Variants in PTPRT observed in about 807,000 individuals in gnomAD.
PTPRT encodes the protein protein tyrosine phosphatase receptor type T.
In PTPRT, 56 loss-of-function variants were observed where a neutral mutation model predicts 176.8. The observed-to-expected ratio is 0.32, with a 90% confidence interval of 0.26 to 0.40. The LOEUF (loss-of-function observed/expected upper bound fraction) is 0.40. Ranked by LOEUF, PTPRT falls within the 10% of genes least tolerant of loss-of-function variation. The probability of loss-of-function intolerance (pLI) is 1.00; values close to 1 mark genes in which losing one functional copy is unlikely to be tolerated. For synonymous variants in PTPRT, 783 were observed against 739.0 expected (o/e 1.06, Z -0.96); for missense variants, 1,540 against 1,908.2 (o/e 0.81, Z 3.60).
At chr20:42,812,210 CTCTT>C (rs200747435) in intron 2 of PTPRT, among the ~76,000 whole-genome samples, 1,670 of 152,080 alleles carry the variant, frequency 0.011, 28 homozygotes, top group South Asian at 0.028. Context: ...AATACATTGT[CTCTT>C]TATTATTATT....
chr20:42,756,210 T>C (rs992758579), intron 6 of PTPRT, among the ~76,000 whole-genome samples: 9 of 152,370 alleles, frequency 5.9e-5, no homozygotes, highest in Middle Eastern at 3.4e-3. Flanking sequence ...TTCTGTGTTA[T>C]ATATTCCACA....
intron 7 of PTPRT, among the ~76,000 whole-genome samples, chr20:42,673,818 C>T (rs540617890): frequency 1.1e-3 from 169 of 152,276 alleles, no homozygotes; most frequent in African/African-American, 3.4e-3. Context: ...TGCTGCTGGT[C>T]GAGGGACCAC....
At chr20:42,097,831 A>C (rs1985416959) in intron 27 of PTPRT, among the ~76,000 whole-genome samples, 2 of 152,240 alleles carry the variant, frequency 1.3e-5, no homozygotes, top group African/African-American at 4.8e-5. Context: ...TCCAAGATAC[A>C]CGTCCTGTGT....
intron 1 of PTPRT, among the ~76,000 whole-genome samples, chr20:43,127,574 GC>G (rs2013494166): frequency 6.6e-6 from 1 of 152,142 alleles, no homozygotes; most frequent in Non-Finnish European, 1.5e-5. Flanking sequence ...TGTTCCTGCA[GC>G]CACAAACACC....
chr20:43,133,066 C>T (rs746654520), intron 1 of PTPRT, among the ~76,000 whole-genome samples: 59 of 152,004 alleles, frequency 3.9e-4, no homozygotes, highest in Non-Finnish European at 1.2e-4. Context: ...AATACAGGTG[C>T]TTGCCTGGGG....
chr20:43,170,274 G>C (rs1299842431), intron 1 of PTPRT, among the ~76,000 whole-genome samples: 1 of 151,996 alleles, frequency 6.6e-6, no homozygotes, highest in African/African-American at 2.4e-5. Context: ...GTTACTTCAT[G>C]TTATGCTCAC....
chr20:42,470,050 A>G (rs146871915), intron 8 of PTPRT, among the ~76,000 whole-genome samples: 11 of 152,298 alleles, frequency 7.2e-5, no homozygotes, highest in African/African-American at 2.6e-4. Flanking sequence ...AAAAGAAAAC[A>G]TGTCCTAAAC....
intron 13 of PTPRT, among the ~76,000 whole-genome samples, chr20:42,268,175 G>A (rs189918822): frequency 5.9e-5 from 9 of 152,196 alleles, no homozygotes; most frequent in African/African-American, 9.6e-5. Context: ...ACCAGGGGAC[G>A]AACATTAACA....
intron 13 of PTPRT, among the ~76,000 whole-genome samples, chr20:42,276,855 C>T (rs2057048860): frequency 1.3e-5 from 2 of 151,888 alleles, no homozygotes; most frequent in Admixed American, 1.3e-4. Context: ...AAGGCATGGA[C>T]ACATCACTCC....
chr20:42,708,731 T>A (rs1337085347), intron 6 of PTPRT, among the ~76,000 whole-genome samples: 1 of 152,204 alleles, frequency 6.6e-6, no homozygotes, highest in African/African-American at 2.4e-5. Flanking sequence ...AATAAAGACA[T>A]TATGAATGTA....
chr20:42,894,618 A>T (rs903739935), intron 1 of PTPRT, among the ~76,000 whole-genome samples: 3 of 152,226 alleles, frequency 2.0e-5, no homozygotes, highest in African/African-American at 7.2e-5. Flanking sequence ...CCTACTCATT[A>T]TACTAGGTTG....
chr20:42,588,529 T>C (rs1423793526), intron 7 of PTPRT, among the ~76,000 whole-genome samples: 1 of 152,076 alleles, frequency 6.6e-6, no homozygotes, highest in Non-Finnish European at 1.5e-5. Context: ...GAACACACCA[T>C]ATTTCAAAGA....
intron 7 of PTPRT, among the ~76,000 whole-genome samples, chr20:42,661,350 T>A (rs1343464018): frequency 6.6e-6 from 1 of 152,120 alleles, no homozygotes; most frequent in Non-Finnish European, 1.5e-5. Flanking sequence ...CATGATTACA[T>A]GAGAATGAGG....
intron 1 of PTPRT, among the ~76,000 whole-genome samples, chr20:43,079,475 G>A (rs2011379291): frequency 6.6e-6 from 1 of 151,978 alleles, no homozygotes; most frequent in Non-Finnish European, 1.5e-5. Context: ...AAATATATAG[G>A]CTAATTTGTA....
At chr20:42,486,478 T>C (rs372087218) in intron 7 of PTPRT, among the ~76,000 whole-genome samples, 10 of 152,312 alleles carry the variant, frequency 6.6e-5, no homozygotes, top group African/African-American at 2.2e-4. Context: ...CTGTGTGACA[T>C]TGAAAAAATA....
chr20:43,151,839 G>A (rs1311035888), intron 1 of PTPRT, among the ~76,000 whole-genome samples: 1 of 151,554 alleles, frequency 6.6e-6, no homozygotes, highest in East Asian at 1.9e-4. Context: ...CTCCAGCCCA[G>A]GCAACAAGAG....
intron 1 of PTPRT, among the ~76,000 whole-genome samples, chr20:43,130,493 C>T (rs947204): frequency 0.32 from 49,232 of 152,010 alleles, 8,846 homozygotes; most frequent in East Asian, 0.79. Flanking sequence ...TCACCTACCA[C>T]ACTCACGAAC....
At chr20:42,765,897 C>T (rs1008460905) in intron 5 of PTPRT, among the ~76,000 whole-genome samples, 2 of 152,006 alleles carry the variant, frequency 1.3e-5, no homozygotes, top group African/African-American at 4.8e-5. Context: ...AGGTTCTTTC[C>T]AGCCTTTTGT....
At chr20:42,213,098 G>T (rs930930346) in intron 15 of PTPRT, among the ~76,000 whole-genome samples, 1 of 152,114 alleles carries the variant, frequency 6.6e-6, no homozygotes, top group Admixed American at 6.5e-5. Flanking sequence ...GGTTTCCCTG[G>T]ACCAGCAGCA....
Sources: gnomAD v4.1 joint callset for allele counts (sites outside exome capture counted in the v4.1 genomes callset) on GRCh38, gnomAD v4.1.1 for gene constraint, MANE v1.5 for transcripts, NCBI Gene and HGNC (gene_info 2026-07-23, HGNC 2026-07-21) for gene names.